TRIM5: variants seen among roughly 807,000 people sequenced by gnomAD.
The protein encoded by TRIM5 is tripartite motif-containing protein 5.
In TRIM5, 31 loss-of-function variants were observed where a neutral mutation model predicts 35.6. That is an observed-to-expected ratio of 0.87 (90% CI 0.65 to 1.18). The LOEUF (loss-of-function observed/expected upper bound fraction) is 1.18, where lower values mean the gene tolerates loss of function less well. Among genes scored for constraint, TRIM5 ranks in the 50% most tolerant of loss-of-function variants. The pLI, the probability that TRIM5 is intolerant of heterozygous loss-of-function variation, is 0.00. For missense variants in TRIM5, 609 were observed against 591.6 expected, an observed-to-expected ratio of 1.03 and a Z score of -0.31; for synonymous variants, 243 against 215.6, an observed-to-expected ratio of 1.13 and a Z score of -1.11.
chr11:5,674,970 T>C (rs1387126870), intron 4 of TRIM5, among the ~76,000 whole-genome samples: 1 of 152,172 alleles, frequency 6.6e-6, no homozygotes, highest in Non-Finnish European at 1.5e-5. Context: ...AGAGATCTAT[T>C]GCAGAATGTG....
At chr11:5,642,678 T>C in the TRIM5 span, 2 of 1,317,258 alleles carry the variant, frequency 1.5e-6, no homozygotes, top group African/African-American at 4.0e-5. Context: ...AATGGCTAGG[T>C]CTCTGGTTTA....
intron 1 of TRIM5, among the ~76,000 whole-genome samples, chr11:5,681,205 A>G (rs1041288839): frequency 3.9e-5 from 6 of 152,192 alleles, no homozygotes; most frequent in African/African-American, 7.2e-5. Flanking sequence ...GTCTCAAAAT[A>G]TTAGATGAGA....
the TRIM5 span, chr11:5,603,443 G>A: frequency 6.2e-7 from 1 of 1,614,120 alleles, no homozygotes; most frequent in African/African-American, 1.3e-5. Context: ...CCAAATGGCA[G>A]GGAATCAGTG....
the TRIM5 span, chr11:5,643,505 T>G: frequency 3.1e-6 from 5 of 1,614,098 alleles, no homozygotes; most frequent in African/African-American, 6.7e-5. Context: ...ATCCCGAGGT[T>G]TTGACTCTCT....
At chr11:5,652,862 T>C in the TRIM5 span, among the ~76,000 whole-genome samples, 2 of 151,098 alleles carry the variant, frequency 1.3e-5, no homozygotes, top group African/African-American at 2.4e-5. Flanking sequence ...CTTTTTTTTT[T>C]TTTTTTTGAG....
chr11:5,604,639 A>G, the TRIM5 span: 1 of 1,608,726 alleles, frequency 6.2e-7, no homozygotes, highest in Non-Finnish European at 8.5e-7. Context: ...GGCAAGGGAG[A>G]CTTTTTCTGA....
chr11:5,669,174 G>A (rs1165410476), intron 4 of TRIM5, among the ~76,000 whole-genome samples: 1 of 151,248 alleles, frequency 6.6e-6, no homozygotes, highest in East Asian at 1.9e-4. Context: ...CCACCTCCTG[G>A]GTTCAAGCGA....
the TRIM5 span, among the ~76,000 whole-genome samples, chr11:5,597,640 G>A: frequency 2.0e-5 from 3 of 152,168 alleles, no homozygotes; most frequent in African/African-American, 7.2e-5. Context: ...GCTCCCAGCT[G>A]GTGGACGGGC....
the TRIM5 span, among the ~76,000 whole-genome samples, chr11:5,637,431 A>T: frequency 1.3e-5 from 2 of 152,244 alleles, no homozygotes; most frequent in Admixed American, 1.3e-4. Context: ...ATTAGATGAG[A>T]TTTTAGGTTG....
At chr11:5,628,961 G>A in the TRIM5 span, among the ~76,000 whole-genome samples, 4 of 152,144 alleles carry the variant, frequency 2.6e-5, no homozygotes, top group South Asian at 6.2e-4. Flanking sequence ...CCGTGTGTCT[G>A]TATGTCTTCT....
the TRIM5 span, chr11:5,611,105 T>C: frequency 3.7e-6 from 6 of 1,614,182 alleles, no homozygotes; most frequent in Non-Finnish European, 5.1e-6. Context: ...AGCATAACCA[T>C]GAATATAGGG....
At chr11:5,639,447 G>A in the TRIM5 span, among the ~76,000 whole-genome samples, 5 of 151,976 alleles carry the variant, frequency 3.3e-5, no homozygotes, top group Admixed American at 2.0e-4. Context: ...TTGGGAGACC[G>A]AAGAGGGCGG....
At chr11:5,645,897 C>CTATATATAGA in the TRIM5 span, 2,561 of 145,248 alleles carry the variant, frequency 0.018, 35 homozygotes, top group Non-Finnish European at 0.026. Flanking sequence ...ATATATATAT[C>CTATATATAGA]TATATATAGA....
the TRIM5 span, among the ~76,000 whole-genome samples, chr11:5,588,689 T>C: frequency 6.6e-6 from 1 of 151,344 alleles, no homozygotes; most frequent in Non-Finnish European, 1.5e-5. Context: ...CTTGTTTACA[T>C]GTCTATGTTG....
the TRIM5 span, chr11:5,634,764 A>G: frequency 6.2e-7 from 1 of 1,613,978 alleles, no homozygotes; most frequent in East Asian, 2.2e-5. Flanking sequence ...AAGTTTGCAG[A>G]GGCTGAGGAT....
the TRIM5 span, chr11:5,642,718 T>C: frequency 6.5e-7 from 1 of 1,527,960 alleles, no homozygotes; most frequent in African/African-American, 1.4e-5. Flanking sequence ...CACAGCTTCA[T>C]GGTATTCCCT....
the TRIM5 span, among the ~76,000 whole-genome samples, chr11:5,598,418 A>G: frequency 1.5e-4 from 23 of 152,226 alleles, no homozygotes; most frequent in Non-Finnish European, 2.8e-4. Context: ...ATGAATATCT[A>G]CAGCGCATAT....
At chr11:5,653,504 T>G in the TRIM5 span, among the ~76,000 whole-genome samples, 1 of 151,086 alleles carries the variant, frequency 6.6e-6, no homozygotes, top group Admixed American at 6.6e-5. Context: ...TTGTTTTTTT[T>G]TTTTTGAGAT....
At chr11:5,657,580 T>C in the TRIM5 span, among the ~76,000 whole-genome samples, 24 of 101,872 alleles carry the variant, frequency 2.4e-4, no homozygotes, top group Non-Finnish European at 4.0e-4. Context: ...TTATATATTA[T>C]ATATAATGCA....
Sources: allele counts gnomAD v4.1 joint callset (sites outside exome capture counted in the v4.1 genomes callset), GRCh38; gene constraint gnomAD v4.1.1; transcripts MANE v1.5; gene names NCBI Gene and HGNC (gene_info 2026-07-23, HGNC 2026-07-21).